The following COL25A1 variants were observed in gnomAD, a reference collection of about 807,000 sequenced individuals.
COL25A1 encodes the protein collagen type XXV alpha 1 chain.
COL25A1 carries 103 observed loss-of-function variants against 128.4 expected under a neutral mutation model. That is an observed-to-expected ratio of 0.80 (90% confidence interval 0.68 to 0.94). COL25A1 has a LOEUF of 0.94. Ranked by LOEUF, COL25A1 falls within the 40% of genes least tolerant of loss-of-function variation. COL25A1 has a pLI of 0.00. For missense variants in COL25A1, 745 were observed against 840.0 expected (o/e 0.89, Z 1.40); for synonymous variants, 279 against 277.2 (o/e 1.01, Z -0.06).
rs570122982 is a variant in COL25A1, at chr4:108,974,556, G to A, written c.442C>T (p.Pro148Ser). ...ACCTTATCGCCTTTTGGACCAGGAG[G>A]GCCCTGAAAAAAAGAAAGAGAAAAA... is the stretch of plus-strand genomic sequence containing the variant. ...GPPGQPGPQG[P>S]PGPKGDKGEQ... The change falls in exon 7 of 38, where the codon CCT (proline) becomes TCT (serine). Residue 148 changes from proline (P) to serine (S), a missense_variant. Physicochemically the swap from Pro to Ser is moderately conservative, Grantham distance 74 (BLOSUM62 -1). Around this residue, in one of 3 missense-constraint regions of COL25A1, gnomAD observed 319 missense variants for 324.9 expected, o/e 0.98. Transcript: ENST00000399132. 8.3e-6 allele frequency: 13 copies of A among 1,573,424 alleles called. No homozygotes were observed. In the South Asian group the frequency reaches 1.4e-4, roughly 17 times the overall value.
intron 3 of COL25A1, among the ~76,000 whole-genome samples, chr4:109,246,888 G>A (rs566909519): frequency 7.2e-5 from 11 of 152,208 alleles, no homozygotes; most frequent in African/African-American, 2.4e-4. Flanking sequence ...ATATGCCCTG[G>A]AATGCAAGGT....
At chr4:109,132,399 C>A (rs1327131816) in intron 3 of COL25A1, among the ~76,000 whole-genome samples, 2 of 152,114 alleles carry the variant, frequency 1.3e-5, no homozygotes, top group African/African-American at 4.8e-5. Context: ...ACTAACAGAT[C>A]AGCTATTATT....
At chr4:108,994,046 A>T (rs749465571) in intron 6 of COL25A1, among the ~76,000 whole-genome samples, 15 of 152,176 alleles carry the variant, frequency 9.9e-5, no homozygotes, top group Non-Finnish European at 2.1e-4. Context: ...TTGACACAGA[A>T]GACAGATGAT....
At position 108,941,397 on chromosome 4, in the gene COL25A1, T is replaced by G; in HGVS notation, c.533A>C (p.Asp178Ala). 1 of 1,614,020 alleles carries G rather than the reference T, an allele frequency of 6.2e-7. No homozygotes were observed. The highest frequency in any genetic ancestry group is 8.5e-7 in the Non-Finnish European group (1 of 1,179,962). ...PKINHGFLSA[D>A]QQLIKRRLIK... ...CAGGCGGCGTTTAATGAGCTGCTGA[T>G]CAGCAGAGAGAAACCCATGATTGAT... Residue 178 changes from aspartate (D) to alanine (A), a missense_variant, in exon 9 of 38, where the codon GAT becomes GCT. Around this residue, in one of 3 missense-constraint regions of COL25A1, gnomAD observed 319 missense variants for 324.9 expected, o/e 0.98. Transcript: ENST00000399132.
At chr4:109,219,199 A>G (rs762428811) in intron 3 of COL25A1, among the ~76,000 whole-genome samples, 2 of 152,154 alleles carry the variant, frequency 1.3e-5, no homozygotes, top group Non-Finnish European at 2.9e-5. Flanking sequence ...ATAAAATAAA[A>G]CTAGAAGGAA....
rs984636222 is a variant in COL25A1, at chr4:109,074,295, T to TG, written c.368-24117dup. Among the ~76,000 whole-genome samples the TG allele has an allele frequency of 3.3e-5, 5 of 152,310 alleles. No homozygotes were observed. The East Asian group carries it at 9.6e-4, about 29-fold the overall frequency. On this transcript the variant is annotated intron_variant, in intron 3 of 37. Transcript: ENST00000399132. ...CAGGACTGGTCAGTGGCCCAAGGAC[T>TG]GGGGACCCTTGATTCAGGCAGACTC...
rs576045422 is a variant in COL25A1 at position 109,156,774 on chromosome 4, T to A, written c.368-106595A>T. ...CATCCAGTTTTTGTTTTCAGTGAAC[T>A]GTAGATTGAAGGTTCTTATTTGCAC... On this transcript the variant is annotated intron_variant, in intron 3 of 37. Coordinates refer to ENST00000399132, the MANE Select transcript of COL25A1 (RefSeq NM_198721.4). Among the ~76,000 whole-genome samples, 23 of 152,324 alleles carry A rather than the reference T, an allele frequency of 1.5e-4. 1 individual carries two copies. In the South Asian group the frequency reaches 4.6e-3, roughly 30 times the overall value.
At chr4:108,907,885 C>T (rs1743720489) in intron 13 of COL25A1, among the ~76,000 whole-genome samples, 2 of 152,172 alleles carry the variant, frequency 1.3e-5, no homozygotes, top group Admixed American at 6.5e-5. Context: ...GTTAGATGTA[C>T]TGAACTTCCA....
At chr4:109,031,260 T>C (rs755255615) in intron 5 of COL25A1, among the ~76,000 whole-genome samples, 24 of 152,194 alleles carry the variant, frequency 1.6e-4, no homozygotes, top group Admixed American at 2.6e-4. Flanking sequence ...TACAGGCGCC[T>C]GCCACCGCGC....
At chr4:109,198,706 T>C (rs1020907188) in intron 3 of COL25A1, among the ~76,000 whole-genome samples, 9 of 152,182 alleles carry the variant, frequency 5.9e-5, no homozygotes, top group African/African-American at 2.2e-4. Context: ...AGAAAAATAT[T>C]TCAAAATCCA....
chr4:109,160,072 T>C (rs376018292), intron 3 of COL25A1, among the ~76,000 whole-genome samples: 61 of 152,268 alleles, frequency 4.0e-4, no homozygotes, highest in African/African-American at 1.4e-3. Flanking sequence ...TCTCTTATAA[T>C]AGGTAAATAG....
intron 3 of COL25A1, among the ~76,000 whole-genome samples, chr4:109,144,987 A>G (rs1165370041): frequency 6.6e-6 from 1 of 152,190 alleles, no homozygotes; most frequent in Non-Finnish European, 1.5e-5. Flanking sequence ...TCAAGAAAGG[A>G]AAGATGTCTA....
At chr4:109,029,430 G>A (rs1758625530) in intron 5 of COL25A1, among the ~76,000 whole-genome samples, 1 of 152,164 alleles carries the variant, frequency 6.6e-6, no homozygotes, top group African/African-American at 2.4e-5. Flanking sequence ...TAGGCATTTT[G>A]TCATCTCACA....
At chr4:108,959,183 C>T (rs1750398298) in intron 8 of COL25A1, among the ~76,000 whole-genome samples, 1 of 152,024 alleles carries the variant, frequency 6.6e-6, no homozygotes, top group African/African-American at 2.4e-5. Context: ...CATGTCCTAC[C>T]TAAAGCAGAC....
chr4:108,993,768 G>A (rs1268445636), intron 6 of COL25A1, among the ~76,000 whole-genome samples: 1 of 150,766 alleles, frequency 6.6e-6, no homozygotes, highest in African/African-American at 2.4e-5. Flanking sequence ...GCTGAGGCAG[G>A]AGAACTGCTT....
intron 6 of COL25A1, among the ~76,000 whole-genome samples, chr4:108,994,380 C>T (rs763688106): frequency 1.3e-5 from 2 of 152,172 alleles, no homozygotes; most frequent in South Asian, 4.1e-4. Flanking sequence ...GATTGACCTG[C>T]GAGGCTGCAG....
At chr4:109,000,919 A>G (rs1020041156) in intron 6 of COL25A1, among the ~76,000 whole-genome samples, 3 of 151,970 alleles carry the variant, frequency 2.0e-5, no homozygotes, top group Non-Finnish European at 4.4e-5. Flanking sequence ...GAGTGTGTCT[A>G]AGGATTCGGA....
At chr4:109,286,367 G>C (rs1398896245) in intron 3 of COL25A1, among the ~76,000 whole-genome samples, 1 of 152,134 alleles carries the variant, frequency 6.6e-6, no homozygotes, top group Non-Finnish European at 1.5e-5. Context: ...GTAGAGGAAA[G>C]AACAGCTTTG....
At chr4:109,146,749 A>G (rs1173101233) in intron 3 of COL25A1, among the ~76,000 whole-genome samples, 1 of 152,254 alleles carries the variant, frequency 6.6e-6, no homozygotes, top group African/African-American at 2.4e-5. Flanking sequence ...CTTAAAGAGA[A>G]GTGTGTTTCC....
Sources: gnomAD v4.1 joint callset for allele counts (sites outside exome capture counted in the v4.1 genomes callset) on GRCh38, gnomAD v4.1.1 for gene constraint, gnomAD v4.1.1 regional missense constraint, MANE v1.5 for transcripts, NCBI Gene and HGNC (gene_info 2026-07-23, HGNC 2026-07-21) for gene names.